MPPED2: variants seen among roughly 807,000 people sequenced by gnomAD.
MPPED2 encodes the protein metallophosphoesterase domain containing 2.
A neutral mutation model predicts 33.0 loss-of-function variants in MPPED2; 5 were observed. The observed-to-expected ratio is 0.15, with a 90% CI of 0.08 to 0.32. The LOEUF is 0.32. Ranked by LOEUF, MPPED2 falls within the 10% of genes least tolerant of loss-of-function variation. The pLI, the probability that MPPED2 is intolerant of heterozygous loss-of-function variation, is 1.00. For missense variants in MPPED2, 275 were observed against 372.1 expected (o/e 0.74, Z 2.15); for synonymous variants, 136 against 141.9 (o/e 0.96, Z 0.29).
chr11:30,583,231 G>A (rs1271752338), intron 1 of MPPED2, among the ~76,000 whole-genome samples: 2 of 142,826 alleles, frequency 1.4e-5, no homozygotes, highest in African/African-American at 2.7e-5. Context: ...AATTTGGAGA[G>A]AGCTTGAAAC....
At chr11:30,454,166 G>C (rs533467594) in intron 4 of MPPED2, among the ~76,000 whole-genome samples, 1 of 152,280 alleles carries the variant, frequency 6.6e-6, no homozygotes, top group Non-Finnish European at 1.5e-5. Context: ...CCTTAATCCT[G>C]ATGACATTTC....
At chr11:30,398,450 A>G (rs1472890514) in intron 6 of MPPED2, among the ~76,000 whole-genome samples, 1 of 152,074 alleles carries the variant, frequency 6.6e-6, no homozygotes, top group Non-Finnish European at 1.5e-5. Context: ...TTCATTCACT[A>G]GAAGAAAGCT....
rs781570785 is a variant in MPPED2, at chr11:30,563,659, A to G, written c.128+16587T>C. ...ATGTTAGTAGCAGAGGCAACTCTAA[A>G]GAGGGTGGGGAGATTCTGAGTTCAG... On this transcript the variant is annotated intron_variant, in intron 2 of 6. Transcript: ENST00000358117. Among the ~76,000 whole-genome samples the G allele has an allele frequency of 8.3e-4, 127 of 152,218 alleles. 1 individual carries two copies. Among genetic ancestry groups the G allele is most frequent in the Non-Finnish European group, 2.5e-4 (17 of 68,036 alleles).
Position 30,519,314 on chromosome 11 carries a change from G to C in MPPED2, c.310+16680C>G, listed in dbSNP as rs767879801. Among the ~76,000 whole-genome samples the C allele has an allele frequency of 4.6e-5, 7 of 152,018 alleles. 1 individual carries two copies. Among genetic ancestry groups the C allele is most frequent in the Admixed American group, 4.6e-4 (7 of 15,260 alleles). ...AATATATACGTACACACACAAAAAAGTATGTGTGTGTGGGTGTGTATACAT... is the reference window on the plus strand; with the variant it reads ...AATATATACGTACACACACAAAAAACTATGTGTGTGTGGGTGTGTATACAT... On this transcript the variant is annotated intron_variant, in intron 3 of 6. Coordinates refer to ENST00000358117, the MANE Select transcript of MPPED2 (RefSeq NM_001584.3).
exon 7 of MPPED2, chr11:30,388,000 C>T (rs972750331): frequency 2.0e-5 from 3 of 152,148 alleles, no homozygotes; most frequent in African/African-American, 7.2e-5. Flanking sequence ...ATTTAATAAT[C>T]GCAGATGGAG....
intron 6 of MPPED2, among the ~76,000 whole-genome samples, chr11:30,398,763 C>A (rs932350824): frequency 2.1e-4 from 32 of 152,096 alleles, no homozygotes; most frequent in Non-Finnish European, 3.4e-4. Context: ...TCTGGAAGTA[C>A]AAATATGCCA....
At chr11:30,392,388 G>A (rs949744279) in intron 6 of MPPED2, among the ~76,000 whole-genome samples, 1 of 152,198 alleles carries the variant, frequency 6.6e-6, no homozygotes, top group Non-Finnish European at 1.5e-5. Flanking sequence ...GAGTTTTTCA[G>A]TTCCACTGAA....
At chr11:30,545,479 T>A (rs1955363855) in intron 2 of MPPED2, among the ~76,000 whole-genome samples, 1 of 152,116 alleles carries the variant, frequency 6.6e-6, no homozygotes, top group Admixed American at 6.5e-5. Flanking sequence ...CGTAGCTCTA[T>A]CTTACAGCCA....
chr11:30,426,050 A>T (rs1948823547), intron 4 of MPPED2, among the ~76,000 whole-genome samples: 1 of 152,192 alleles, frequency 6.6e-6, no homozygotes. Flanking sequence ...TTGGTGCAAA[A>T]GTAACTGCGG....
intron 4 of MPPED2, among the ~76,000 whole-genome samples, chr11:30,494,566 C>A (rs889424098): frequency 6.6e-6 from 1 of 151,548 alleles, no homozygotes; most frequent in Non-Finnish European, 1.5e-5. Context: ...GGTGAAACCC[C>A]GTCTCTACTA....
chr11:30,417,737 T>A, intron 4 of MPPED2, 104 bp from the exon 5 acceptor site: 1 of 693,958 alleles, frequency 1.4e-6, no homozygotes, highest in African/African-American at 1.8e-5. Flanking sequence ...TTGCTCTCTT[T>A]TCTCTTTTTG....
intron 6 of MPPED2, among the ~76,000 whole-genome samples, chr11:30,392,001 A>G (rs916964232): frequency 6.6e-6 from 1 of 152,208 alleles, no homozygotes; most frequent in African/African-American, 2.4e-5. Flanking sequence ...GGTACATATA[A>G]TAGTAGTACA....
chr11:30,465,086 G>A (rs1306793349), intron 4 of MPPED2, among the ~76,000 whole-genome samples: 1 of 152,162 alleles, frequency 6.6e-6, no homozygotes, highest in Non-Finnish European at 1.5e-5. Context: ...GCAGTATCTG[G>A]TATATGGTAA....
chr11:30,418,410 G>A (rs1287454417), intron 4 of MPPED2, among the ~76,000 whole-genome samples: 2 of 152,164 alleles, frequency 1.3e-5, no homozygotes, highest in South Asian at 2.1e-4. Flanking sequence ...TCCATCCATT[G>A]AGCATTTCTG....
chr11:30,411,876 A>G (rs1380345464), intron 6 of MPPED2, among the ~76,000 whole-genome samples: 1 of 152,020 alleles, frequency 6.6e-6, no homozygotes, highest in Non-Finnish European at 1.5e-5. Flanking sequence ...ATAAAGAAAA[A>G]CTTTTTTCCT....
At chr11:30,391,424 G>A (rs2133695701) in intron 6 of MPPED2, among the ~76,000 whole-genome samples, 1 of 152,308 alleles carries the variant, frequency 6.6e-6, no homozygotes, top group African/African-American at 2.4e-5. Flanking sequence ...TGGTGGGGCA[G>A]GCAGTAGAAG....
At chr11:30,574,543 C>T (rs61884752) in intron 2 of MPPED2, among the ~76,000 whole-genome samples, 19,791 of 152,142 alleles carry the variant, frequency 0.13, 1,478 homozygotes, top group Middle Eastern at 0.26. Flanking sequence ...AGTTATAAGA[C>T]GACGAAGTAG....
intron 4 of MPPED2, among the ~76,000 whole-genome samples, chr11:30,489,699 T>C (rs934018773): frequency 6.6e-6 from 1 of 152,216 alleles, no homozygotes; most frequent in African/African-American, 2.4e-5. Context: ...TCTTTGTTCC[T>C]GACCCTTTGG....
intron 4 of MPPED2, among the ~76,000 whole-genome samples, chr11:30,445,472 C>T (rs953767833): frequency 7.2e-5 from 11 of 152,260 alleles, no homozygotes; most frequent in Admixed American, 3.9e-4. Context: ...ATATGCATAA[C>T]AAATAATTTA....
Sources: gnomAD v4.1 joint callset for allele counts (sites outside exome capture counted in the v4.1 genomes callset) on GRCh38, gnomAD v4.1.1 for gene constraint, MANE v1.5 for transcripts, NCBI Gene and HGNC (gene_info 2026-07-23, HGNC 2026-07-21) for gene names.